CDK15: variants seen among roughly 807,000 people sequenced by gnomAD.
CDK15 encodes the protein cyclin dependent kinase 15, also known as cyclin-dependent kinase 15.
Under a neutral mutation model 60.3 loss-of-function variants are expected in CDK15, and 62 were observed. The observed-to-expected ratio is 1.03, with a 90% CI of 0.84 to 1.27. The LOEUF is 1.27. Among genes scored for constraint, CDK15 ranks in the 50% most tolerant of loss-of-function variants. CDK15 has a pLI of 0.00. For missense variants in CDK15, 541 were observed against 527.8 expected, an observed-to-expected ratio of 1.03 and a Z score of -0.25; for synonymous variants, 194 against 195.7, an observed-to-expected ratio of 0.99 and a Z score of 0.07.
chr2:201,848,925 G>GA (rs111363647), intron 9 of CDK15, among the ~76,000 whole-genome samples: 128 of 145,780 alleles, frequency 8.8e-4, no homozygotes, highest in African/African-American at 1.8e-3. Context: ...ATTCACAACT[G>GA]AAAAAAAAAA....
chr2:201,887,736 T>A (rs990242432), intron 12 of CDK15, among the ~76,000 whole-genome samples: 2 of 152,238 alleles, frequency 1.3e-5, no homozygotes, highest in Non-Finnish European at 2.9e-5. Context: ...AAAGATCATC[T>A]GCTTTAATCG....
chr2:201,854,545 T>A (rs1698058469), intron 9 of CDK15, among the ~76,000 whole-genome samples: 1 of 152,152 alleles, frequency 6.6e-6, no homozygotes, highest in Admixed American at 6.5e-5. Context: ...GCTCCCAACA[T>A]GGTGTCCTAA....
At chr2:201,853,609 T>C (rs1323738200) in intron 9 of CDK15, among the ~76,000 whole-genome samples, 1 of 152,156 alleles carries the variant, frequency 6.6e-6, no homozygotes, top group Non-Finnish European at 1.5e-5. Context: ...GAGATATGCT[T>C]CTAAGAAAAG....
chr2:201,837,532 T>C (rs1484352038), intron 8 of CDK15, among the ~76,000 whole-genome samples: 1 of 149,382 alleles, frequency 6.7e-6, no homozygotes, highest in African/African-American at 2.5e-5. Context: ...AGAATCCAGA[T>C]AGGTGCTATC....
At chr2:201,844,059 T>A (rs879834836) in intron 8 of CDK15, among the ~76,000 whole-genome samples, 1 of 152,180 alleles carries the variant, frequency 6.6e-6, no homozygotes, top group Admixed American at 6.5e-5. Context: ...ATGTCATTTT[T>A]TGAAACTTGT....
intron 12 of CDK15, among the ~76,000 whole-genome samples, 159 bp from the exon 13 acceptor site, chr2:201,890,626 T>G (rs998576453): frequency 6.6e-6 from 1 of 152,212 alleles, no homozygotes; most frequent in Non-Finnish European, 1.5e-5. Context: ...TTGGATTCAG[T>G]AAAGTGAGTC....
chr2:201,836,015 T>TA (rs1697017061), intron 8 of CDK15, among the ~76,000 whole-genome samples: 2 of 126,686 alleles, frequency 1.6e-5, no homozygotes, highest in South Asian at 2.2e-4. Context: ...TATTTTTATA[T>TA]TTTTATATAT....
rs1331146033 is a variant in CDK15 at position 201,832,012 on chromosome 2, C to A, written c.607-1836C>A. On this transcript the variant is annotated intron_variant, in intron 6 of 13. Coordinates refer to ENST00000652192, the MANE Select transcript of CDK15 (RefSeq NM_001366386.2). ...TCCTGTCTTCTATCCACCTGTCTTC[C>A]TCTTCCTCTTTCCCTAGTCCTGCAT... Among the ~76,000 whole-genome samples the A allele has an allele frequency of 2.0e-5, 3 of 151,874 alleles. No individual in the cohort carries two copies. The East Asian group carries it at 5.8e-4, about 30-fold the overall frequency.
At chr2:201,813,820 T>C (rs1034830942) in intron 4 of CDK15, among the ~76,000 whole-genome samples, 28 of 152,236 alleles carry the variant, frequency 1.8e-4, no homozygotes, top group Admixed American at 1.6e-3. Context: ...ATACATCATT[T>C]TGAATTTAAT....
intron 6 of CDK15, among the ~76,000 whole-genome samples, chr2:201,826,584 G>A (rs923538916): frequency 2.6e-5 from 4 of 151,980 alleles, no homozygotes; most frequent in African/African-American, 9.7e-5. Flanking sequence ...GGGAAATAGA[G>A]GATATGTTCA....
intron 10 of CDK15, among the ~76,000 whole-genome samples, chr2:201,858,937 C>G (rs1408585818): frequency 1.3e-5 from 2 of 152,142 alleles, no homozygotes; most frequent in Non-Finnish European, 2.9e-5. Flanking sequence ...GAACACTCAC[C>G]CTCCTCCGGC....
chr2:201,867,665 A>C (rs1321557773), intron 10 of CDK15, among the ~76,000 whole-genome samples: 1 of 152,018 alleles, frequency 6.6e-6, no homozygotes, highest in Non-Finnish European at 1.5e-5. Context: ...ACAGTACAAT[A>C]AGTAACCAAT....
chr2:201,875,615 G>A (rs768053270), intron 11 of CDK15, among the ~76,000 whole-genome samples: 2 of 152,162 alleles, frequency 1.3e-5, no homozygotes, highest in African/African-American at 2.4e-5. Context: ...ATAATCGAAC[G>A]ATAACAGCCA....
At chr2:201,854,756 G>A (rs1053047620) in intron 9 of CDK15, 118 bp from the exon 10 acceptor site, 1 of 775,974 alleles carries the variant, frequency 1.3e-6, no homozygotes, top group Non-Finnish European at 2.2e-6. Context: ...TCATGCAATG[G>A]GACATACATC....
intron 10 of CDK15, among the ~76,000 whole-genome samples, chr2:201,863,575 G>A (rs1698486659): frequency 6.6e-6 from 1 of 152,138 alleles, no homozygotes; most frequent in African/African-American, 2.4e-5. Flanking sequence ...GCTGGGGCTG[G>A]GTGTGGTGGC....
chr2:201,869,874 A>G (rs1414179243), intron 10 of CDK15, among the ~76,000 whole-genome samples: 1 of 152,260 alleles, frequency 6.6e-6, no homozygotes, highest in Non-Finnish European at 1.5e-5. Flanking sequence ...AGAGCTGTAA[A>G]TAGGCAGCAG....
chr2:201,854,297 C>T (rs1445764009), intron 9 of CDK15, among the ~76,000 whole-genome samples: 1 of 152,020 alleles, frequency 6.6e-6, no homozygotes, highest in African/African-American at 2.4e-5. Flanking sequence ...ACAGAGAAAA[C>T]AAGCAGATGA....
intron 8 of CDK15, among the ~76,000 whole-genome samples, chr2:201,839,119 A>T (rs939534114): frequency 1.3e-5 from 2 of 152,028 alleles, no homozygotes; most frequent in Non-Finnish European, 2.9e-5. Flanking sequence ...TCAATATGTT[A>T]CATGTTTCTA....
At chr2:201,835,072 C>T (rs539647363) in intron 7 of CDK15, among the ~76,000 whole-genome samples, 47 of 152,284 alleles carry the variant, frequency 3.1e-4, no homozygotes, top group Admixed American at 1.4e-3. Flanking sequence ...AGTGCCAAAA[C>T]GGAAGGTGGC....
Sources: gnomAD v4.1 joint callset for allele counts (sites outside exome capture counted in the v4.1 genomes callset) on GRCh38, gnomAD v4.1.1 for gene constraint, MANE v1.5 for transcripts, NCBI Gene and HGNC (gene_info 2026-07-23, HGNC 2026-07-21) for gene names.